Variants in SBF2 observed in about 807,000 individuals in gnomAD.
The protein encoded by SBF2 is SET binding factor 2, also known as myotubularin-related protein 13.
SBF2 carries 112 observed loss-of-function variants against 225.2 expected under a neutral mutation model. The observed-to-expected ratio is 0.50, with a 90% CI of 0.43 to 0.58. The LOEUF is 0.58. Ranked by LOEUF, SBF2 falls within the 20% of genes least tolerant of loss-of-function variation. The probability of loss-of-function intolerance (pLI) is 0.00; values close to 1 mark genes in which losing one functional copy is unlikely to be tolerated. For missense variants in SBF2, 1,996 were observed against 2,206.2 expected, an observed-to-expected ratio of 0.90 and a Z score of 1.91; for synonymous variants, 763 against 773.3, an observed-to-expected ratio of 0.99 and a Z score of 0.22.
At position 9,816,916 on chromosome 11, in the gene SBF2, T is replaced by C. The variant is rs1429630644; in HGVS notation, c.3902A>G (p.Asn1301Ser). The change falls in exon 29 of 40, where the codon AAC becomes AGC. Residue 1301 changes from asparagine (N) to serine (S), a missense_variant. Physicochemically the swap from Asn to Ser is conservative, Grantham distance 46 (BLOSUM62 1). Transcript: ENST00000256190. The stretch of plus-strand genomic sequence containing the variant: ...GAGCTGGTTTTGTAGGTAGCTGCTG[T>C]TACTGAAGGAGGCCGAGTGATCCTT... The part of the protein sequence containing the change: ...AGKDHSASFS[N>S]SSYLQNQLLK... 8.1e-6 allele frequency: 13 copies of C among 1,614,180 alleles called. No individual in the cohort carries two copies. The highest frequency in any genetic ancestry group is 9.3e-6 in the Non-Finnish European group (11 of 1,180,034).
At chr11:9,949,847 A>G (rs1296136054) in intron 16 of SBF2, among the ~76,000 whole-genome samples, 2 of 152,194 alleles carry the variant, frequency 1.3e-5, no homozygotes, top group Non-Finnish European at 2.9e-5. Flanking sequence ...ATTTACATAA[A>G]TTAAAATACA....
chr11:10,087,394 T>C (rs1401195453), intron 2 of SBF2, among the ~76,000 whole-genome samples: 1 of 152,170 alleles, frequency 6.6e-6, no homozygotes, highest in Non-Finnish European at 1.5e-5. Context: ...TAACCATCTC[T>C]GGTTGCTGAT....
chr11:10,187,083 T>C (rs2135307417), intron 2 of SBF2, among the ~76,000 whole-genome samples: 1 of 152,298 alleles, frequency 6.6e-6, no homozygotes, highest in East Asian at 1.9e-4. Flanking sequence ...GCTTTGTGAT[T>C]GACTTCTGAT....
At chr11:9,784,636 T>C (rs1391332534) in intron 37 of SBF2, among the ~76,000 whole-genome samples, 198 bp from the exon 38 acceptor site, 1 of 152,224 alleles carries the variant, frequency 6.6e-6, no homozygotes, top group Non-Finnish European at 1.5e-5. Flanking sequence ...TTACCACATC[T>C]GTGAGGCTTG....
chr11:9,992,265 C>A, intron 12 of SBF2, 150 bp downstream of exon 12: 1 of 571,780 alleles, frequency 1.7e-6, no homozygotes, highest in Non-Finnish European at 2.8e-6. Context: ...ATTAAAATAT[C>A]GAGATTTGAT....
intron 2 of SBF2, among the ~76,000 whole-genome samples, chr11:10,179,821 G>T (rs1420094250): frequency 6.6e-6 from 1 of 151,620 alleles, no homozygotes; most frequent in African/African-American, 2.4e-5. Context: ...TTTCTCTGGT[G>T]GTATGTTTTC....
At chr11:10,191,954 G>C (rs2135323322) in intron 2 of SBF2, among the ~76,000 whole-genome samples, 1 of 152,170 alleles carries the variant, frequency 6.6e-6, no homozygotes, top group South Asian at 2.1e-4. Flanking sequence ...GTTGGTTCCT[G>C]AAACTTATGA....
intron 24 of SBF2, among the ~76,000 whole-genome samples, chr11:9,842,988 C>T (rs368619842): frequency 6.6e-6 from 1 of 152,298 alleles, no homozygotes; most frequent in African/African-American, 2.4e-5. Context: ...TTAGGAAAAA[C>T]GTGCAGGAAA....
At chr11:10,261,153 C>T (rs942869483) in intron 1 of SBF2, among the ~76,000 whole-genome samples, 2 of 152,124 alleles carry the variant, frequency 1.3e-5, no homozygotes, top group Non-Finnish European at 2.9e-5. Flanking sequence ...AAAAGACTGA[C>T]GATGCCAAAT....
chr11:10,098,297 T>C (rs1952118068), intron 2 of SBF2, among the ~76,000 whole-genome samples: 1 of 151,928 alleles, frequency 6.6e-6, no homozygotes, highest in East Asian at 1.9e-4. Flanking sequence ...TAAGATTTCT[T>C]CCCTGAAAAA....
chr11:9,903,689 T>A (rs1307508808), intron 16 of SBF2, among the ~76,000 whole-genome samples: 1 of 152,214 alleles, frequency 6.6e-6, no homozygotes, highest in East Asian at 1.9e-4. Flanking sequence ...CCTAGGACTT[T>A]ATTTATACGC....
rs931624096 is a variant in SBF2 at position 9,779,446 on chromosome 11, C to G, written c.*972G>C. The G allele has an allele frequency of 1.3e-5, 2 of 152,618 alleles. No individual in the cohort carries two copies. Among genetic ancestry groups the G allele is most frequent in the Non-Finnish European group, 2.9e-5 (2 of 68,044 alleles). 9.5% of individuals were successfully genotyped at this position (152,618 alleles called of 1,614,324 possible). On this transcript the variant is annotated 3_prime_UTR_variant, in exon 40 of 40. Transcript: ENST00000256190. Reference sequence around the variant, plus strand: ...CACAAGTTATCAAAGTAAAGAAAATCTAAAGACAGTTCTTACTTTTCATGT... The same window carrying G: ...CACAAGTTATCAAAGTAAAGAAAATGTAAAGACAGTTCTTACTTTTCATGT...
chr11:9,968,669 A>G lies in SBF2; in HGVS notation c.1396-124T>C, dbSNP rs1565074624. On this transcript the variant is annotated intron_variant, in intron 13 of 39. Transcript: ENST00000256190. ...TTATACATACATTCATATATACGCC[A>G]TAAAACATGAAGTACCAAAATCTTA... 5 of 799,912 alleles carry G rather than the reference A, an allele frequency of 6.3e-6. No homozygotes were observed. The East Asian group carries it at 7.5e-5, about 12-fold the overall frequency. The allele number at this position is 799,912 out of a possible 1,614,324, so 49.6% of individuals were successfully genotyped here.
At chr11:10,270,555 T>C (rs1343392131) in intron 1 of SBF2, among the ~76,000 whole-genome samples, 1 of 151,990 alleles carries the variant, frequency 6.6e-6, no homozygotes, top group Admixed American at 6.6e-5. Flanking sequence ...CAGAAAAAAA[T>C]GTGTATAAGT....
At chr11:9,945,293 C>T (rs1865499909) in intron 16 of SBF2, among the ~76,000 whole-genome samples, 1 of 152,114 alleles carries the variant, frequency 6.6e-6, no homozygotes, top group Non-Finnish European at 1.5e-5. Flanking sequence ...AATAAAGCCA[C>T]ACATCTACAA....
intron 2 of SBF2, among the ~76,000 whole-genome samples, chr11:10,094,956 G>A (rs2134936460): frequency 6.6e-6 from 1 of 151,790 alleles, no homozygotes; most frequent in South Asian, 2.1e-4. Context: ...AAACAGCATA[G>A]GTTATGGCCA....
chr11:10,196,020 A>T (rs1260241948), intron 1 of SBF2, among the ~76,000 whole-genome samples: 1 of 152,218 alleles, frequency 6.6e-6, no homozygotes, highest in Non-Finnish European at 1.5e-5. Flanking sequence ...AGGAACTCAT[A>T]ATCAATTCGG....
chr11:10,264,058 T>C (rs1591330076), intron 1 of SBF2, among the ~76,000 whole-genome samples: 1 of 152,172 alleles, frequency 6.6e-6, no homozygotes, highest in Admixed American at 6.5e-5. Flanking sequence ...TAAGGAATAT[T>C]TGTCAACAGC....
chr11:9,938,065 G>A lies in SBF2; in HGVS notation c.1860+23892C>T, dbSNP rs559781374. ...CCCAGCACTTTGGGGGCCAAGGCGG[G>A]CGGATCACGCGGTCAGGAGATCGAG... On this transcript the variant is annotated intron_variant, in intron 16 of 39. Transcript: ENST00000256190. Among the ~76,000 whole-genome samples, 9 of 152,188 alleles carry A rather than the reference G, an allele frequency of 5.9e-5. No individual in the cohort carries two copies. In the South Asian group the frequency reaches 6.2e-4, roughly 11 times the overall value.
Sources: gnomAD v4.1 joint callset for allele counts (sites outside exome capture counted in the v4.1 genomes callset) on GRCh38, gnomAD v4.1.1 for gene constraint, MANE v1.5 for transcripts, NCBI Gene and HGNC (gene_info 2026-07-23, HGNC 2026-07-21) for gene names.